The following ACTR3C variants were observed in gnomAD, a reference collection of about 807,000 sequenced individuals.
ACTR3C encodes the protein actin-related protein 3C.
In ACTR3C, 18 loss-of-function variants were observed where a neutral mutation model predicts 26.3. That is an observed-to-expected ratio of 0.68 (90% CI 0.47 to 1.01). The LOEUF is 1.01. ACTR3C is among the 50% of genes least tolerant of loss of function. The pLI, the probability that ACTR3C is intolerant of heterozygous loss-of-function variation, is 0.00. For synonymous variants in ACTR3C, 55 were observed against 94.5 expected (o/e 0.58, Z 2.42); for missense variants, 184 against 250.7 (o/e 0.73, Z 1.80).
At chr7:150,107,921 TAC>T in the ACTR3C span, among the ~76,000 whole-genome samples, 1 of 152,030 alleles carries the variant, frequency 6.6e-6, no homozygotes, top group Non-Finnish European at 1.5e-5. Context: ...GAAGAGCAAG[TAC>T]CCCATTTGGT....
At chr7:150,046,359 C>G in the ACTR3C span, among the ~76,000 whole-genome samples, 1 of 100,948 alleles carries the variant, frequency 9.9e-6, no homozygotes, top group Admixed American at 9.3e-5. Context: ...CCCCCCCCCC[C>G]CGACCCAAAC....
chr7:150,119,784 C>T, the ACTR3C span, among the ~76,000 whole-genome samples: 18 of 152,178 alleles, frequency 1.2e-4, no homozygotes, highest in African/African-American at 2.2e-4. Context: ...AATATACATT[C>T]TTCTCAGCAC....
the ACTR3C span, among the ~76,000 whole-genome samples, chr7:150,118,017 C>A: frequency 6.6e-6 from 1 of 152,188 alleles, no homozygotes; most frequent in Non-Finnish European, 1.5e-5. Context: ...GAAAAACTAA[C>A]AAACAGAAAG....
At chr7:150,232,970 ATTACT>A in the ACTR3C span, among the ~76,000 whole-genome samples, 44 of 152,294 alleles carry the variant, frequency 2.9e-4, no homozygotes, top group East Asian at 7.7e-3. Context: ...TCATCGTATT[ATTACT>A]TTAAATAGTT....
chr7:150,035,772 G>A, the ACTR3C span, among the ~76,000 whole-genome samples: 6 of 137,036 alleles, frequency 4.4e-5, 1 homozygote, highest in East Asian at 1.1e-3. Flanking sequence ...CCCCCTCTGC[G>A]ATGGGGTTCC....
the ACTR3C span, among the ~76,000 whole-genome samples, chr7:150,122,340 C>T: frequency 2.0e-5 from 3 of 152,104 alleles, no homozygotes; most frequent in African/African-American, 7.2e-5. Flanking sequence ...GTAATCTATC[C>T]ATCTGACAAA....
At chr7:150,099,310 A>G in the ACTR3C span, among the ~76,000 whole-genome samples, 3 of 151,950 alleles carry the variant, frequency 2.0e-5, no homozygotes, top group African/African-American at 7.3e-5. Flanking sequence ...TCTCCACAGG[A>G]TGGTAACAGG....
chr7:150,257,093 A>G (rs1394612441), intron 6 of ACTR3C, among the ~76,000 whole-genome samples: 2 of 152,250 alleles, frequency 1.3e-5, no homozygotes, highest in Non-Finnish European at 2.9e-5. Flanking sequence ...AAATCAAAAC[A>G]TAGTTTGTAC....
At chr7:150,196,568 T>C in the ACTR3C span, among the ~76,000 whole-genome samples, 2 of 152,212 alleles carry the variant, frequency 1.3e-5, no homozygotes. Context: ...TGTGTCTAAG[T>C]GGTTCTTTTG....
At chr7:150,058,553 C>T in the ACTR3C span, among the ~76,000 whole-genome samples, 1 of 152,172 alleles carries the variant, frequency 6.6e-6, no homozygotes, top group African/African-American at 2.4e-5. Context: ...ACATCACTTC[C>T]TCCTGTTTTC....
the ACTR3C span, among the ~76,000 whole-genome samples, chr7:150,089,125 G>C: frequency 6.6e-6 from 1 of 152,106 alleles, no homozygotes; most frequent in Non-Finnish European, 1.5e-5. Context: ...ACATTTCTGA[G>C]TTTTTCAAGT....
At chr7:150,039,643 G>A in the ACTR3C span, among the ~76,000 whole-genome samples, 95 of 144,698 alleles carry the variant, frequency 6.6e-4, no homozygotes, top group East Asian at 0.019. Flanking sequence ...AACACCCACA[G>A]TCCTCCAGGT....
the ACTR3C span, among the ~76,000 whole-genome samples, chr7:150,039,964 C>T: frequency 1.5e-3 from 198 of 131,922 alleles, 5 homozygotes; most frequent in African/African-American, 2.4e-3. Context: ...GTTCGCAGTC[C>T]CCGCCTCGCG....
At chr7:149,993,306 T>C in the ACTR3C span, among the ~76,000 whole-genome samples, 14,134 of 151,688 alleles carry the variant, frequency 0.093, 1,056 homozygotes, top group East Asian at 0.25. Flanking sequence ...AGAAGAAAAA[T>C]TGGAGAGCGG....
chr7:150,255,242 ATTTT>A (rs745713614), intron 6 of ACTR3C, among the ~76,000 whole-genome samples: 5,765 of 85,774 alleles, frequency 0.067, 137 homozygotes, highest in East Asian at 0.16. Flanking sequence ...TTTGTAGGGG[ATTTT>A]TTTTTTTTTT....
At chr7:149,997,806 TG>T in the ACTR3C span, among the ~76,000 whole-genome samples, 2 of 150,172 alleles carry the variant, frequency 1.3e-5, no homozygotes, top group Non-Finnish European at 3.0e-5. Flanking sequence ...CTGATGTGAT[TG>T]TTTGCAAAAC....
the ACTR3C span, among the ~76,000 whole-genome samples, chr7:150,193,046 C>G: frequency 6.6e-6 from 1 of 152,172 alleles, no homozygotes; most frequent in Non-Finnish European, 1.5e-5. Flanking sequence ...CTTATAAAAG[C>G]CTTCGGACTT....
chr7:150,142,610 C>T, the ACTR3C span, among the ~76,000 whole-genome samples: 1 of 152,142 alleles, frequency 6.6e-6, no homozygotes, highest in Middle Eastern at 3.4e-3. Flanking sequence ...CTCACTGCAA[C>T]CTCCGCCTCC....
At chr7:150,088,188 G>C in the ACTR3C span, among the ~76,000 whole-genome samples, 1 of 152,138 alleles carries the variant, frequency 6.6e-6, no homozygotes, top group Non-Finnish European at 1.5e-5. Context: ...TTTCAAAAAT[G>C]CCCAATTTAT....
Sources: allele counts gnomAD v4.1 joint callset (sites outside exome capture counted in the v4.1 genomes callset), GRCh38; gene constraint gnomAD v4.1.1; transcripts MANE v1.5; gene names NCBI Gene and HGNC (gene_info 2026-07-23, HGNC 2026-07-21).